PDE1C: variants seen among roughly 807,000 people sequenced by gnomAD.
The protein encoded by PDE1C is dual specificity calcium/calmodulin-dependent 3',5'-cyclic nucleotide phosphodiesterase 1C.
A neutral mutation model predicts 93.1 loss-of-function variants in PDE1C; 62 were observed. That is an observed-to-expected ratio of 0.67 (90% confidence interval 0.54 to 0.82). The LOEUF (loss-of-function observed/expected upper bound fraction) is 0.82, where lower values mean the gene tolerates loss of function less well. Among genes scored for constraint, PDE1C ranks in the 40% least tolerant of loss-of-function variants. The pLI is 0.00. For synonymous variants in PDE1C, 325 were observed against 310.1 expected, an observed-to-expected ratio of 1.05 and a Z score of -0.50; for missense variants, 742 against 884.6, an observed-to-expected ratio of 0.84 and a Z score of 2.04.
At chr7:32,200,410 G>C (rs1265957815) in intron 2 of PDE1C, among the ~76,000 whole-genome samples, 1 of 152,120 alleles carries the variant, frequency 6.6e-6, no homozygotes, top group African/African-American at 2.4e-5. Context: ...CAATTGCCCA[G>C]GGAAGACTTT....
At chr7:31,707,801 C>T in the PDE1C span, 1 of 154,198 alleles carries the variant, frequency 6.5e-6, no homozygotes, top group African/African-American at 2.4e-5. Flanking sequence ...GTCCAAATGT[C>T]TCTGGTGATG....
chr7:31,867,090 T>C (rs915408708), intron 6 of PDE1C, among the ~76,000 whole-genome samples: 9 of 152,012 alleles, frequency 5.9e-5, no homozygotes, highest in African/African-American at 1.7e-4. Flanking sequence ...TGGAGCCCCA[T>C]TGACATTCTC....
At chr7:31,689,180 A>C in the PDE1C span, among the ~76,000 whole-genome samples, 1 of 152,194 alleles carries the variant, frequency 6.6e-6, no homozygotes. Flanking sequence ...GTGGCAGTCC[A>C]CGTCCCTGTG....
intron 2 of PDE1C, among the ~76,000 whole-genome samples, chr7:32,184,751 A>G (rs1294568314): frequency 2.0e-5 from 3 of 152,186 alleles, no homozygotes; most frequent in Non-Finnish European, 4.4e-5. Context: ...ATACATATGT[A>G]AACCTGCACG....
intron 1 of PDE1C, among the ~76,000 whole-genome samples, chr7:32,386,190 A>T (rs1197379661): frequency 2.2e-5 from 3 of 133,978 alleles, no homozygotes; most frequent in Non-Finnish European, 3.2e-5. Context: ...ACTATTTTTA[A>T]TTTTTTTTAT....
intron 3 of PDE1C, among the ~76,000 whole-genome samples, chr7:32,139,887 T>C (rs573478810): frequency 1.0e-4 from 15 of 148,420 alleles, no homozygotes; most frequent in Admixed American, 8.8e-4. Flanking sequence ...AACAGCCATA[T>C]TGTGACTGTG....
In PDE1C at chr7:32,355,776, C is replaced by T. The variant is rs531640694; in HGVS notation, c.310+72046G>A. ...CTCCCTGGTTTGTCCCAGAGCCTGG[C>T]GAAAGGAAGGGACTCAACAAATGGC... On this transcript the variant is annotated intron_variant, in intron 1 of 1. Coordinates refer to the PDE1C transcript ENST00000672256. Among the ~76,000 whole-genome samples, 15 of 152,212 alleles carry T rather than the reference C, an allele frequency of 9.9e-5. 1 individual carries two copies. In the South Asian group the frequency reaches 3.1e-3, roughly 32 times the overall value.
intron 2 of PDE1C, among the ~76,000 whole-genome samples, chr7:32,175,587 C>G (rs1324388508): frequency 6.6e-6 from 1 of 152,152 alleles, no homozygotes; most frequent in Non-Finnish European, 1.5e-5. Context: ...TCTCTGCACT[C>G]AAGAAGCTTT....
At chr7:31,965,940 A>AGG (rs1809874817) in intron 2 of PDE1C, among the ~76,000 whole-genome samples, 1 of 152,194 alleles carries the variant, frequency 6.6e-6, no homozygotes, top group African/African-American at 2.4e-5. Context: ...GCCTGCCCTA[A>AGG]AAGAGCTCCT....
intron 3 of PDE1C, among the ~76,000 whole-genome samples, chr7:32,081,472 C>T (rs759649154): frequency 1.3e-5 from 2 of 152,212 alleles, no homozygotes; most frequent in African/African-American, 4.8e-5. Context: ...CTGCATCCTG[C>T]CCTGAAATCA....
At chr7:31,900,829 T>A (rs1799886174) in intron 2 of PDE1C, among the ~76,000 whole-genome samples, 1 of 151,866 alleles carries the variant, frequency 6.6e-6, no homozygotes, top group Non-Finnish European at 1.5e-5. Flanking sequence ...TTTAATAAGT[T>A]CTTCAGATTC....
intron 1 of PDE1C, among the ~76,000 whole-genome samples, chr7:32,314,360 C>A (rs1238307797): frequency 6.6e-6 from 1 of 152,038 alleles, no homozygotes; most frequent in East Asian, 1.9e-4. Flanking sequence ...AAAATTTGGT[C>A]ACTAATATTT....
intron 3 of PDE1C, among the ~76,000 whole-genome samples, chr7:32,085,428 G>A (rs1285432823): frequency 2.7e-5 from 4 of 147,828 alleles, no homozygotes; most frequent in Non-Finnish European, 6.0e-5. Context: ...AGAGGTACAA[G>A]GAGGAACTGG....
intron 1 of PDE1C, among the ~76,000 whole-genome samples, chr7:32,377,335 T>C (rs1300289174): frequency 2.0e-5 from 3 of 152,232 alleles, no homozygotes; most frequent in African/African-American, 7.2e-5. Flanking sequence ...CAAAGCACTT[T>C]GTTCATACCA....
At position 31,983,674 on chromosome 7, in the gene PDE1C, G is replaced by A. The variant is rs145031261; in HGVS notation, c.128+67880C>T. Among the ~76,000 whole-genome samples, 698 of 152,152 alleles carry A rather than the reference G, an allele frequency of 4.6e-3. 4 individuals are homozygous for A. The highest frequency in any genetic ancestry group is 0.016 in the African/African-American group (664 of 41,506). On this transcript the variant is annotated intron_variant, in intron 2 of 17. Transcript: ENST00000396191. ...ATGGTTTACAGGGAAGGATACTGCC[G>A]TGGCTGCACAGACCTTTAGTGTCTC...
the PDE1C span, among the ~76,000 whole-genome samples, chr7:31,727,800 G>T: frequency 1.3e-5 from 2 of 152,148 alleles, no homozygotes; most frequent in African/African-American, 4.8e-5. Context: ...ACAGCAGTTT[G>T]GGAGGCCCAG....
intron 11 of PDE1C, among the ~76,000 whole-genome samples, chr7:31,836,186 G>C (rs1198630426): frequency 1.3e-5 from 2 of 152,118 alleles, no homozygotes; most frequent in African/African-American, 4.8e-5. Flanking sequence ...ATGTTTGAAT[G>C]GCAGCACCTC....
chr7:31,678,894 GC>G, the PDE1C span, among the ~76,000 whole-genome samples: 2 of 152,150 alleles, frequency 1.3e-5, no homozygotes, highest in Admixed American at 6.5e-5. Flanking sequence ...GGTCAAGTGA[GC>G]CTTGATTCTT....
chr7:32,356,995 A>T (rs1214237984), intron 1 of PDE1C, among the ~76,000 whole-genome samples: 2 of 152,044 alleles, frequency 1.3e-5, no homozygotes, highest in Non-Finnish European at 2.9e-5. Context: ...CATCCTTCCT[A>T]ATCTGGAAAA....
Sources: gnomAD v4.1 joint callset for allele counts (sites outside exome capture counted in the v4.1 genomes callset) on GRCh38, gnomAD v4.1.1 for gene constraint, MANE v1.5 for transcripts, NCBI Gene and HGNC (gene_info 2026-07-23, HGNC 2026-07-21) for gene names.